MLPH: variants seen among roughly 807,000 people sequenced by gnomAD.
MLPH encodes melanophilin, also known as exophilin-3.
A neutral mutation model predicts 72.1 loss-of-function variants in MLPH; 51 were observed. The observed-to-expected ratio is 0.71, with a 90% CI of 0.56 to 0.89. The LOEUF (loss-of-function observed/expected upper bound fraction) is 0.89. MLPH is among the 40% of genes least tolerant of loss of function. The pLI, the probability that MLPH is intolerant of heterozygous loss-of-function variation, is 0.00. For synonymous variants in MLPH, 301 were observed against 310.1 expected (o/e 0.97, Z 0.31); for missense variants, 743 against 759.9 (o/e 0.98, Z 0.26).
chr2:237,504,294 G>T (rs2079715887), intron 2 of MLPH, among the ~76,000 whole-genome samples: 1 of 152,112 alleles, frequency 6.6e-6, no homozygotes, highest in African/African-American at 2.4e-5. Context: ...TCAGCTCACT[G>T]CAACCTCCAC....
chr2:237,534,307 C>T (rs1429726978), intron 8 of MLPH, among the ~76,000 whole-genome samples: 5 of 152,298 alleles, frequency 3.3e-5, no homozygotes, highest in African/African-American at 1.2e-4. Flanking sequence ...CTGCTGGACT[C>T]GGCTCCTCTC....
At chr2:237,496,975 A>T (rs1419183438) in intron 2 of MLPH, among the ~76,000 whole-genome samples, 1 of 152,142 alleles carries the variant, frequency 6.6e-6, no homozygotes, top group Non-Finnish European at 1.5e-5. Flanking sequence ...TTGGTACCAG[A>T]GACCGGTTTC....
chr2:237,532,577 T>C (rs2080443873), intron 8 of MLPH, among the ~76,000 whole-genome samples: 1 of 152,256 alleles, frequency 6.6e-6, no homozygotes, highest in Non-Finnish European at 1.5e-5. Flanking sequence ...TGGTTTGCTT[T>C]AATCCCTAGC....
In MLPH at chr2:237,510,760, G is replaced by A; in HGVS notation, c.297G>A (p.Glu99=). Residue 99 remains glutamate, a synonymous_variant, in exon 3 of 16, where the codon GAG becomes GAA. Transcript: ENST00000264605. This position sits in a 1 kb window ranked among gnomAD's most constrained non-coding sequence, Gnocchi z 4.4. ...GCTGTGGCCGCGTCCACCCGGAGGA[G>A]CAGGGCTGGATCTGTGACCCCTGCC... ...CKSCGRVHPE[E]QGWICDPCHL... The A allele has an allele frequency of 6.2e-7, 1 of 1,613,652 alleles. No homozygotes were observed. The highest frequency in any genetic ancestry group is 8.5e-7 in the Non-Finnish European group (1 of 1,180,044).
In MLPH at chr2:237,510,632, G is replaced by A. The variant is rs1220189063; in HGVS notation, c.169G>A (p.Ala57Thr). ...CAAGAGGGAGCTGCTTTCCGACACT[G>A]CCCATCTGAACGAGACCCACTGCGC... ...SSKRELLSDT[A>T]HLNETHCARC... Residue 57 changes from alanine to threonine, a missense_variant, in exon 3 of 16, where the codon GCC becomes ACC. Coordinates refer to ENST00000264605, the MANE Select transcript of MLPH (RefSeq NM_024101.7). This position sits in a 1 kb window ranked among gnomAD's most constrained non-coding sequence, Gnocchi z 4.4. 3 of 1,613,602 alleles carry A rather than the reference G, an allele frequency of 1.9e-6. No homozygotes were observed. Among genetic ancestry groups the A allele is most frequent in the Non-Finnish European group, 2.5e-6 (3 of 1,180,054 alleles).
chr2:237,525,094 C>A (rs2080273923), intron 6 of MLPH, among the ~76,000 whole-genome samples: 1 of 152,202 alleles, frequency 6.6e-6, no homozygotes, highest in Non-Finnish European at 1.5e-5. Context: ...TCCTTGGGGA[C>A]AATGACATAA....
chr2:237,552,294 T>C, intron 14 of MLPH, 43 bp from the exon 15 acceptor site: 1 of 1,564,798 alleles, frequency 6.4e-7, no homozygotes, highest in Non-Finnish European at 8.8e-7. Flanking sequence ...GGGCTAAGTA[T>C]GTGATTGATA....
In MLPH at chr2:237,510,872, G is replaced by C. The variant is rs2079878357; in HGVS notation, c.332+77G>C. The C allele has an allele frequency of 2.5e-6, 4 of 1,577,864 alleles. No individual in the cohort carries two copies. Among genetic ancestry groups the C allele is most frequent in the African/African-American group, 2.7e-5 (2 of 73,772 alleles). ...TGTCCCTTCCATGGGGCTAGCTGAA[G>C]AAGGGTGGACGCACACATGCACACA... On this transcript the variant is annotated intron_variant, in intron 3 of 15. Coordinates refer to ENST00000264605, the MANE Select transcript of MLPH (RefSeq NM_024101.7). The surrounding 1 kb of genome is among the most constrained non-coding windows in gnomAD (Gnocchi z 4.4).
intron 2 of MLPH, among the ~76,000 whole-genome samples, chr2:237,495,934 C>T (rs533974071): frequency 6.6e-6 from 1 of 152,344 alleles, no homozygotes; most frequent in Admixed American, 6.5e-5. Context: ...CACCCCTCCA[C>T]TCTTGAGTCT....
intron 14 of MLPH, among the ~76,000 whole-genome samples, chr2:237,551,209 G>A (rs879555089): frequency 3.3e-5 from 5 of 152,240 alleles, no homozygotes; most frequent in South Asian, 2.1e-4. Flanking sequence ...GTGATCCCTC[G>A]AGTTAGGTGA....
At chr2:237,552,589 T>G (rs1324078959) in intron 15 of MLPH, 152 bp downstream of exon 15, 3 of 684,268 alleles carry the variant, frequency 4.4e-6, no homozygotes, top group Non-Finnish European at 7.6e-6. Context: ...AAGTAAAATC[T>G]TTGCCAACGA....
intron 12 of MLPH, chr2:237,546,383 T>C: frequency 1.7e-6 from 1 of 578,924 alleles, no homozygotes; most frequent in Non-Finnish European, 3.1e-6. Flanking sequence ...TTTCACAATC[T>C]GAAATTCAAA....
chr2:237,536,815 C>G (rs752968081), intron 9 of MLPH, among the ~76,000 whole-genome samples: 2 of 152,250 alleles, frequency 1.3e-5, no homozygotes, highest in Non-Finnish European at 2.9e-5. Context: ...GTAGCCTGCC[C>G]GGCCCTGGCT....
intron 2 of MLPH, among the ~76,000 whole-genome samples, chr2:237,506,490 G>T (rs548037253): frequency 6.6e-5 from 10 of 152,262 alleles, no homozygotes; most frequent in African/African-American, 2.4e-4. Flanking sequence ...AGCAATTCCT[G>T]TCCCTTTTAA....
At chr2:237,519,614 C>T (rs1031879900) in intron 5 of MLPH, among the ~76,000 whole-genome samples, 2 of 152,098 alleles carry the variant, frequency 1.3e-5, no homozygotes, top group Non-Finnish European at 2.9e-5. Context: ...TAGGCGGGGT[C>T]CCTGGGGCAA....
chr2:237,542,972 G>C (rs375171504), intron 12 of MLPH, among the ~76,000 whole-genome samples: 1 of 34,224 alleles, frequency 2.9e-5, no homozygotes, highest in Admixed American at 3.1e-4. Context: ...GGTAGTGAGT[G>C]GGGGGACAGT....
At chr2:237,526,319 G>A (rs919780989) in intron 7 of MLPH, among the ~76,000 whole-genome samples, 1 of 152,154 alleles carries the variant, frequency 6.6e-6, no homozygotes, top group African/African-American at 2.4e-5. Context: ...TGTACCATGG[G>A]TCCGAGAGTT....
chr2:237,494,228 G>GGGCAGAA (rs1367509127), intron 2 of MLPH, among the ~76,000 whole-genome samples: 2 of 152,058 alleles, frequency 1.3e-5, no homozygotes, highest in Non-Finnish European at 2.9e-5. Flanking sequence ...GGAGGGCAGA[G>GGGCAGAA]GGCAGAAGGC....
rs1417247316 is a variant in MLPH at position 237,505,183 on chromosome 2, G to A, written c.111-5391G>A. Among the ~76,000 whole-genome samples, 1 of 152,204 alleles carries A rather than the reference G, an allele frequency of 6.6e-6. No homozygotes were observed. The highest frequency in any genetic ancestry group is 1.9e-4 in the East Asian group (1 of 5,196). On this transcript the variant is annotated intron_variant, in intron 2 of 15. Transcript: ENST00000264605. The surrounding 1 kb of genome is among the most constrained non-coding windows in gnomAD (Gnocchi z 4.5). The stretch of plus-strand genomic sequence containing the variant: ...CTGTCCCCACCTCCTTGCTGGTCCT[G>A]ATGCAGAGTGGAGGGCAGGTCAGCT...
Sources: gnomAD v4.1 joint callset for allele counts (sites outside exome capture counted in the v4.1 genomes callset) on GRCh38, gnomAD v4.1.1 for gene constraint, Gnocchi (gnomAD v3.1) non-coding constraint, MANE v1.5 for transcripts, NCBI Gene and HGNC (gene_info 2026-07-23, HGNC 2026-07-21) for gene names.